The following RABGAP1L variants were observed in gnomAD, a reference collection of about 807,000 sequenced individuals.
RABGAP1L encodes the protein rab GTPase-activating protein 1-like.
In RABGAP1L, 63 loss-of-function variants were observed where a neutral mutation model predicts 137.7. The ratio of observed to expected loss-of-function variants is 0.46; its 90% CI spans 0.37 to 0.56. RABGAP1L has a LOEUF of 0.56. Ranked by LOEUF, RABGAP1L falls within the 20% of genes least tolerant of loss-of-function variation. RABGAP1L has a pLI of 0.00. For missense variants in RABGAP1L, 1,095 were observed against 1,244.0 expected, an observed-to-expected ratio of 0.88 and a Z score of 1.80; for synonymous variants, 431 against 433.7, an observed-to-expected ratio of 0.99 and a Z score of 0.08.
intron 13 of RABGAP1L, among the ~76,000 whole-genome samples, chr1:174,635,676 T>A (rs1177099399): frequency 6.6e-6 from 1 of 152,212 alleles, no homozygotes; most frequent in African/African-American, 2.4e-5. Flanking sequence ...ATTTCATTCC[T>A]GTAAGCCATC....
intron 7 of RABGAP1L, among the ~76,000 whole-genome samples, chr1:174,262,730 T>A (rs1047807349): frequency 5.9e-5 from 9 of 152,230 alleles, no homozygotes; most frequent in South Asian, 4.1e-4. Flanking sequence ...TAGAAGAGAT[T>A]GGGTATTTTA....
chr1:174,352,417 T>A (rs1029251453), intron 11 of RABGAP1L, among the ~76,000 whole-genome samples: 6 of 152,126 alleles, frequency 3.9e-5, no homozygotes, highest in East Asian at 1.9e-4. Flanking sequence ...TGCTTGATTT[T>A]AAAAAAATAA....
intron 15 of RABGAP1L, among the ~76,000 whole-genome samples, chr1:174,688,411 A>G (rs1405610224): frequency 1.3e-5 from 2 of 152,068 alleles, no homozygotes; most frequent in African/African-American, 2.4e-5. Context: ...AAGCTTTCCA[A>G]CTGCAAGAAG....
At chr1:174,311,111 A>T (rs1678797241) in intron 11 of RABGAP1L, among the ~76,000 whole-genome samples, 1 of 152,066 alleles carries the variant, frequency 6.6e-6, no homozygotes, top group African/African-American at 2.4e-5. Flanking sequence ...CACTGCTGTA[A>T]GGGTACTACC....
At chr1:174,583,037 G>A (rs1557869416) in intron 13 of RABGAP1L, among the ~76,000 whole-genome samples, 2 of 152,132 alleles carry the variant, frequency 1.3e-5, no homozygotes, top group Non-Finnish European at 2.9e-5. Flanking sequence ...TATTTATGAA[G>A]TCAGAAAAAT....
chr1:174,780,835 C>A (rs1167420227), intron 18 of RABGAP1L, among the ~76,000 whole-genome samples: 10 of 146,562 alleles, frequency 6.8e-5, no homozygotes, highest in Non-Finnish European at 1.2e-4. Flanking sequence ...GTTTTTTGTT[C>A]TTGCGACAGT....
intron 14 of RABGAP1L, 146 bp from the exon 15 acceptor site, chr1:174,683,376 G>A (rs535286253): frequency 1.4e-4 from 80 of 587,206 alleles, no homozygotes; most frequent in African/African-American, 1.3e-3. Context: ...CACTGTGCTA[G>A]TGGTATACAG....
At chr1:174,662,725 C>A (rs1676485621) in intron 14 of RABGAP1L, among the ~76,000 whole-genome samples, 1 of 152,178 alleles carries the variant, frequency 6.6e-6, no homozygotes, top group Non-Finnish European at 1.5e-5. Flanking sequence ...GAGATAACAT[C>A]TCCATGCATA....
chr1:174,862,596 A>G (rs1347539377), intron 19 of RABGAP1L, among the ~76,000 whole-genome samples: 1 of 152,212 alleles, frequency 6.6e-6, no homozygotes, highest in African/African-American at 2.4e-5. Context: ...AACTATTGCT[A>G]AAAGTCACTA....
At chr1:174,621,769 A>T (rs1171391117) in intron 13 of RABGAP1L, among the ~76,000 whole-genome samples, 1 of 152,216 alleles carries the variant, frequency 6.6e-6, no homozygotes, top group African/African-American at 2.4e-5. Flanking sequence ...AACCTAGGCA[A>T]TACCATTGAG....
chr1:174,201,460 G>T (rs1157086723), intron 1 of RABGAP1L, among the ~76,000 whole-genome samples: 1 of 152,038 alleles, frequency 6.6e-6, no homozygotes, highest in African/African-American at 2.4e-5. Flanking sequence ...GGCCTCCCAA[G>T]GGGCTGGGAT....
intron 19 of RABGAP1L, among the ~76,000 whole-genome samples, chr1:174,833,570 C>T (rs1692409927): frequency 2.0e-5 from 3 of 147,380 alleles, no homozygotes; most frequent in Admixed American, 1.4e-4. Flanking sequence ...AGCCATCACA[C>T]CCAGCCCAGT....
At chr1:174,359,063 T>C (rs1392934985) in intron 11 of RABGAP1L, among the ~76,000 whole-genome samples, 2 of 152,192 alleles carry the variant, frequency 1.3e-5, no homozygotes, top group African/African-American at 4.8e-5. Flanking sequence ...TAAGCCTCTT[T>C]CTATTATTTG....
rs143355237 is a variant in RABGAP1L at position 174,993,462 on chromosome 1, A to G, written c.*3461A>G. On this transcript the variant is annotated 3_prime_UTR_variant, in exon 26 of 26. Transcript: ENST00000681986. ...CCAACCCCTGCTCCATTTTCTTAAA[A>G]TATTTTCCAGTTAATAACTAGTTGC... The G allele has an allele frequency of 8.5e-5, 13 of 152,352 alleles. No individual in the cohort carries two copies. The highest frequency in any genetic ancestry group is 8.5e-4 in the Admixed American group (13 of 15,298). The allele number at this position is 152,352 out of a possible 1,614,324, so 9.4% of individuals were successfully genotyped here.
intron 17 of RABGAP1L, among the ~76,000 whole-genome samples, chr1:174,716,287 C>G (rs1572904323): frequency 6.6e-6 from 1 of 152,114 alleles, no homozygotes; most frequent in African/African-American, 2.4e-5. Context: ...TTTTTAGAGA[C>G]AGGGTCTTGT....
rs73043007 is a variant in RABGAP1L, at chr1:174,993,216, T to C, written c.*3215T>C. 6.6e-6 allele frequency: 1 copy of C among 152,238 alleles called. No individual in the cohort carries two copies. The highest frequency in any genetic ancestry group is 2.4e-5 in the African/African-American group (1 of 41,452). The allele number at this position is 152,238 out of a possible 1,614,324, so 9.4% of individuals were successfully genotyped here. Reference sequence around the variant, plus strand: ...AATGCAAAGAAATTCTGTTACTTAATGTTCTGTTTATTTATGAGTGCCTAT... The same window carrying C: ...AATGCAAAGAAATTCTGTTACTTAACGTTCTGTTTATTTATGAGTGCCTAT... On this transcript the variant is annotated 3_prime_UTR_variant, in exon 26 of 26. Coordinates refer to ENST00000681986, the MANE Select transcript of RABGAP1L (RefSeq NM_001366446.1).
At chr1:174,336,522 G>T (rs1157162383) in intron 11 of RABGAP1L, among the ~76,000 whole-genome samples, 1 of 152,152 alleles carries the variant, frequency 6.6e-6, no homozygotes, top group African/African-American at 2.4e-5. Flanking sequence ...TGTGTGGCAG[G>T]CACTGGTTAA....
chr1:174,498,000 A>G (rs1006659423), intron 13 of RABGAP1L, among the ~76,000 whole-genome samples: 2 of 152,214 alleles, frequency 1.3e-5, no homozygotes, highest in Admixed American at 6.5e-5. Flanking sequence ...AAGGAAAGAT[A>G]AAATCCCTGA....
chr1:174,860,833 G>T (rs549253446), intron 19 of RABGAP1L, among the ~76,000 whole-genome samples: 1 of 152,026 alleles, frequency 6.6e-6, no homozygotes, highest in East Asian at 1.9e-4. Context: ...TATATTTAAG[G>T]TGTATAACAT....
Sources: gnomAD v4.1 joint callset for allele counts (sites outside exome capture counted in the v4.1 genomes callset) on GRCh38, gnomAD v4.1.1 for gene constraint, MANE v1.5 for transcripts, NCBI Gene and HGNC (gene_info 2026-07-23, HGNC 2026-07-21) for gene names.